NUDC: variants seen among roughly 807,000 people sequenced by gnomAD.
NUDC encodes the protein nuclear migration protein nudC.
In NUDC, 14 loss-of-function variants were observed where a neutral mutation model predicts 45.0. That is an observed-to-expected ratio of 0.31 (90% confidence interval 0.21 to 0.49). The LOEUF is 0.49. Ranked by LOEUF, NUDC falls within the 20% of genes least tolerant of loss-of-function variation. The pLI, the probability that NUDC is intolerant of heterozygous loss-of-function variation, is 0.99. For synonymous variants in NUDC, 153 were observed against 156.7 expected, an observed-to-expected ratio of 0.98 and a Z score of 0.17; for missense variants, 323 against 426.2, an observed-to-expected ratio of 0.76 and a Z score of 2.13.
At chr1:26,901,119 A>G (rs747466734) in intron 1 of NUDC, among the ~76,000 whole-genome samples, 1 of 152,204 alleles carries the variant, frequency 6.6e-6, no homozygotes, top group African/African-American at 2.4e-5. Context: ...AATTGGCGTT[A>G]TCTAGTAAAA....
chr1:26,906,284 A>G (rs934495671), intron 2 of NUDC, among the ~76,000 whole-genome samples: 21 of 148,806 alleles, frequency 1.4e-4, no homozygotes, highest in African/African-American at 5.0e-4. Context: ...GTCTCAAAAA[A>G]AAACGAAAAA....
chr1:26,930,631 G>A (rs998606580), intron 2 of NUDC, among the ~76,000 whole-genome samples: 3 of 150,876 alleles, frequency 2.0e-5, no homozygotes, highest in Non-Finnish European at 4.4e-5. Flanking sequence ...GATCTCTGGA[G>A]CCCAGGAGTT....
At position 26,945,448 on chromosome 1, in the gene NUDC, A is replaced by T; in HGVS notation, c.800A>T (p.Lys267Met). 6.2e-7 allele frequency: 1 copy of T among 1,614,186 alleles called. No individual in the cohort carries two copies. The highest frequency in any genetic ancestry group is 8.5e-7 in the Non-Finnish European group (1 of 1,180,034). Residue 267 changes from lysine (K) to methionine (M), a missense_variant, in exon 7 of 9, where the codon AAG becomes ATG. By Grantham distance (95) the Lys-to-Met change is moderately conservative. Coordinates refer to ENST00000321265, the MANE Select transcript of NUDC (RefSeq NM_006600.4). ...LVSSDPEINT[K>M]KINPENSKLS... ...TCCAGTGACCCTGAGATCAACACCA[A>T]GAAGATTAACCCTGAGAATTCCAAG...
chr1:26,911,753 C>A (rs2082027994), intron 3 of NUDC: 2 of 1,514,490 alleles, frequency 1.3e-6, no homozygotes, highest in Admixed American at 1.7e-5. Flanking sequence ...GGCTTGCCCC[C>A]TCCAGGAGCA....
At chr1:26,914,341 A>G (rs921710959) in intron 3 of NUDC, among the ~76,000 whole-genome samples, 7 of 152,206 alleles carry the variant, frequency 4.6e-5, no homozygotes, top group Admixed American at 3.3e-4. Context: ...TGCACAAAAG[A>G]CTAGGGCTTT....
chr1:26,913,659 G>A (rs761241624), intron 3 of NUDC: 1 of 1,613,836 alleles, frequency 6.2e-7, no homozygotes, highest in East Asian at 2.2e-5. Flanking sequence ...GCAGGAAGAG[G>A]GGGCCCCAGC....
chr1:26,934,605 C>T (rs1020320597), intron 2 of NUDC, among the ~76,000 whole-genome samples: 18 of 152,148 alleles, frequency 1.2e-4, no homozygotes, highest in Non-Finnish European at 2.4e-4. Flanking sequence ...GGTATTACTT[C>T]GTTCTCATGC....
At chr1:26,937,675 CAG>C (rs1196196623) in intron 2 of NUDC, among the ~76,000 whole-genome samples, 3 of 151,808 alleles carry the variant, frequency 2.0e-5, no homozygotes, top group African/African-American at 7.3e-5. Flanking sequence ...TTTTTTGAGA[CAG>C]AGTCTTGCTC....
At chr1:26,935,189 C>T (rs1375477878) in intron 2 of NUDC, among the ~76,000 whole-genome samples, 1 of 151,596 alleles carries the variant, frequency 6.6e-6, no homozygotes, top group Non-Finnish European at 1.5e-5. Flanking sequence ...ACTGTGTTGG[C>T]CAACCTGGTC....
chr1:26,908,273 C>T (rs2082010981), intron 2 of NUDC, among the ~76,000 whole-genome samples: 1 of 152,154 alleles, frequency 6.6e-6, no homozygotes, highest in Non-Finnish European at 1.5e-5. Flanking sequence ...CCCTCACTGG[C>T]AATGAGACAC....
In NUDC at chr1:26,942,843, C is replaced by T. The variant is rs775382781; in HGVS notation, c.547-28C>T. ...TGGGGTACCAGCAGCACTTAGTGGC[C>T]TCTTCTGACTGCCTCTGCCCTATGC... On this transcript the variant is annotated intron_variant, in intron 5 of 8. Transcript: ENST00000321265. 34 of 1,613,936 alleles carry T rather than the reference C, an allele frequency of 2.1e-5. No individual in the cohort carries two copies. The Middle Eastern group carries it at 8.4e-4, about 40-fold the overall frequency.
chr1:26,918,572 CTTTTTT>C (rs1156337137), upstream of NUDC, among the ~76,000 whole-genome samples: 1 of 129,322 alleles, frequency 7.7e-6, no homozygotes, highest in Non-Finnish European at 1.7e-5. Context: ...CCGCACCCAG[CTTTTTT>C]TTTTTTTTTT....
At chr1:26,921,635 C>T (rs941740992), upstream of NUDC, 2 of 595,086 alleles carry the variant, frequency 3.4e-6, no homozygotes, top group Admixed American at 2.9e-5. Context: ...GTCGGCGAAG[C>T]GGGTTGCTTG....
At position 26,941,670 on chromosome 1, in the gene NUDC, G is replaced by A. The variant is rs765397984; in HGVS notation, c.363+10G>A. 6.2e-7 allele frequency: 1 copy of A among 1,612,332 alleles called. No individual in the cohort carries two copies. The highest frequency in any genetic ancestry group is 1.1e-5 in the South Asian group (1 of 90,812). ...GCTAGAGATTGACCAGGTGAAGGGT[G>A]GGCTTCCCTTCTCCACCCCTCAGAT... On this transcript the variant is annotated intron_variant, in intron 3 of 8. Coordinates refer to ENST00000321265, the MANE Select transcript of NUDC (RefSeq NM_006600.4).
chr1:26,937,908 C>T (rs989602437), intron 2 of NUDC, among the ~76,000 whole-genome samples: 6 of 152,166 alleles, frequency 3.9e-5, no homozygotes, highest in African/African-American at 9.7e-5. Context: ...CTCTGCTTCC[C>T]AAAGTGCTGG....
At chr1:26,905,254 G>A (rs2124051040) in intron 2 of NUDC, among the ~76,000 whole-genome samples, 1 of 146,760 alleles carries the variant, frequency 6.8e-6, no homozygotes, top group African/African-American at 2.5e-5. Flanking sequence ...TCCGCCTCCT[G>A]GGTTCAGGCG....
At chr1:26,902,724 C>T (rs1409653327) in intron 2 of NUDC, among the ~76,000 whole-genome samples, 3 of 150,354 alleles carry the variant, frequency 2.0e-5, no homozygotes, top group Non-Finnish European at 4.4e-5. Context: ...ATTCGGTGGG[C>T]AGCAGAATGA....
chr1:26,940,577 C>T (rs567574163), intron 2 of NUDC, among the ~76,000 whole-genome samples: 1 of 152,230 alleles, frequency 6.6e-6, no homozygotes, highest in South Asian at 2.1e-4. Context: ...GTCTTGGAGA[C>T]AGGATGCACT....
intron 6 of NUDC, among the ~76,000 whole-genome samples, chr1:26,944,222 A>G (rs2082301516): frequency 6.7e-6 from 1 of 149,042 alleles, no homozygotes; most frequent in Non-Finnish European, 1.5e-5. Context: ...TTTATTTTTT[A>G]TTTTTTGAGA....
Sources: gnomAD v4.1 joint callset for allele counts (sites outside exome capture counted in the v4.1 genomes callset) on GRCh38, gnomAD v4.1.1 for gene constraint, MANE v1.5 for transcripts, NCBI Gene and HGNC (gene_info 2026-07-23, HGNC 2026-07-21) for gene names.